Variants in RPS6KC1 observed in about 807,000 individuals in gnomAD.
The protein encoded by RPS6KC1 is inactive ribosomal protein S6 kinase delta-1.
RPS6KC1 carries 54 observed loss-of-function variants against 103.8 expected under a neutral mutation model. The observed-to-expected ratio is 0.52, with a 90% CI of 0.42 to 0.65. The LOEUF is 0.65. Ranked by LOEUF, RPS6KC1 falls within the 30% of genes least tolerant of loss-of-function variation. The probability of loss-of-function intolerance (pLI) is 0.00; values close to 1 mark genes in which losing one functional copy is unlikely to be tolerated. For missense variants in RPS6KC1, 1,151 were observed against 1,253.8 expected (o/e 0.92, Z 1.24); for synonymous variants, 439 against 438.7 (o/e 1.00, Z -0.01).
At position 213,273,942 on chromosome 1, in the gene RPS6KC1, T is replaced by A. The variant is rs1175327426; in HGVS notation, c.*1308T>A. ...TCTAATCTTCTTTGCATTTTTGAGA[T>A]CTGTGTGAGAGCCCAACCCCACTCC... is the stretch of plus-strand genomic sequence containing the variant. On this transcript the variant is annotated 3_prime_UTR_variant, in exon 15 of 15. Coordinates refer to ENST00000366960, the MANE Select transcript of RPS6KC1 (RefSeq NM_012424.6). 6.6e-6 allele frequency: 1 copy of A among 152,320 alleles called. No individual in the cohort carries two copies. The highest frequency in any genetic ancestry group is 1.5e-5 in the Non-Finnish European group (1 of 68,024). 9.4% of individuals were successfully genotyped at this position (152,320 alleles called of 1,614,324 possible). A position where few individuals can be genotyped will look rare whatever the true frequency, so the allele number is the denominator to read the frequency against.
chr1:213,081,798 A>C (rs1433737751), intron 3 of RPS6KC1, among the ~76,000 whole-genome samples: 2 of 152,078 alleles, frequency 1.3e-5, no homozygotes, highest in African/African-American at 4.8e-5. Context: ...GTAAGCATGA[A>C]GCCTGCCACA....
chr1:213,205,211 T>C (rs2093302744), intron 8 of RPS6KC1: 1 of 982,472 alleles, frequency 1.0e-6, no homozygotes, highest in Non-Finnish European at 1.2e-6. Context: ...TACTTTCTAC[T>C]TTTTAATCTA....
intron 12 of RPS6KC1, among the ~76,000 whole-genome samples, chr1:213,243,656 A>T (rs956850882): frequency 9.2e-5 from 14 of 152,182 alleles, no homozygotes; most frequent in Non-Finnish European, 2.1e-4. Context: ...ATGGGGCTGT[A>T]TTATGAATCC....
chr1:213,228,015 C>G (rs2093999378), intron 8 of RPS6KC1, among the ~76,000 whole-genome samples: 1 of 152,090 alleles, frequency 6.6e-6, no homozygotes, highest in African/African-American at 2.4e-5. Context: ...TCTTTGGGGC[C>G]CATTATCCTG....
the RPS6KC1 span, among the ~76,000 whole-genome samples, chr1:213,532,404 G>GA: frequency 5.1e-3 from 775 of 152,012 alleles, 2 homozygotes; most frequent in Non-Finnish European, 8.9e-3. Flanking sequence ...TTTTTCTGTG[G>GA]AAAAAAAAGT....
At chr1:213,279,526 C>T (rs1274510429), downstream of RPS6KC1, among the ~76,000 whole-genome samples, 1 of 152,218 alleles carries the variant, frequency 6.6e-6, no homozygotes, top group East Asian at 1.9e-4. Context: ...TCCTAACTCA[C>T]TCTTTGATCA....
the RPS6KC1 span, among the ~76,000 whole-genome samples, chr1:213,638,116 GC>G: frequency 6.6e-6 from 1 of 152,010 alleles, no homozygotes; most frequent in Admixed American, 6.6e-5. Context: ...ACTGTTCCTG[GC>G]CTTATTGTGG....
chr1:213,689,840 C>T, the RPS6KC1 span, among the ~76,000 whole-genome samples: 1 of 152,192 alleles, frequency 6.6e-6, no homozygotes, highest in Non-Finnish European at 1.5e-5. Flanking sequence ...ATCTGGAGAA[C>T]CCCTTCTGAA....
intron 10 of RPS6KC1, among the ~76,000 whole-genome samples, chr1:213,236,122 T>G (rs1269456067): frequency 6.6e-6 from 1 of 152,078 alleles, no homozygotes; most frequent in African/African-American, 2.4e-5. Flanking sequence ...TGCACACTCC[T>G]TATGGGAATC....
chr1:213,224,763 T>C (rs1485367275), intron 8 of RPS6KC1, among the ~76,000 whole-genome samples: 2 of 152,320 alleles, frequency 1.3e-5, no homozygotes, highest in Non-Finnish European at 2.9e-5. Flanking sequence ...TTTTGTCCTT[T>C]ATGCTGACAG....
chr1:213,413,224 G>A, the RPS6KC1 span, among the ~76,000 whole-genome samples: 2 of 152,124 alleles, frequency 1.3e-5, no homozygotes, highest in Non-Finnish European at 2.9e-5. Flanking sequence ...GGGTAATTGA[G>A]GTATCCATCA....
At chr1:213,270,172 T>C (rs2095013446) in intron 14 of RPS6KC1, among the ~76,000 whole-genome samples, 1 of 152,178 alleles carries the variant, frequency 6.6e-6, no homozygotes, top group African/African-American at 2.4e-5. Context: ...AAAACCACGA[T>C]AGTTTTAAGA....
At chr1:213,193,509 G>A (rs1422015287) in intron 8 of RPS6KC1, among the ~76,000 whole-genome samples, 5 of 152,122 alleles carry the variant, frequency 3.3e-5, no homozygotes, top group Admixed American at 2.6e-4. Context: ...TGATCCACCC[G>A]CCTTGGCCAC....
chr1:213,417,642 G>T, the RPS6KC1 span, among the ~76,000 whole-genome samples: 1 of 152,068 alleles, frequency 6.6e-6, no homozygotes, highest in Admixed American at 6.5e-5. Flanking sequence ...GGTCGGGGAT[G>T]GGGGAGACTA....
chr1:213,824,830 G>C, the RPS6KC1 span, among the ~76,000 whole-genome samples: 1 of 152,202 alleles, frequency 6.6e-6, no homozygotes, highest in Non-Finnish European at 1.5e-5. Flanking sequence ...AAATTACCCA[G>C]TGTTGGGTAT....
the RPS6KC1 span, among the ~76,000 whole-genome samples, chr1:213,569,265 T>C: frequency 6.6e-6 from 1 of 152,214 alleles, no homozygotes; most frequent in Non-Finnish European, 1.5e-5. Context: ...CCCTTAGGTC[T>C]GTCATGTTTC....
At chr1:213,068,653 A>G (rs1004090922) in intron 1 of RPS6KC1, among the ~76,000 whole-genome samples, 1 of 151,972 alleles carries the variant, frequency 6.6e-6, no homozygotes, top group Non-Finnish European at 1.5e-5. Flanking sequence ...TACCTGTTAT[A>G]GTCTCTTATA....
chr1:213,517,650 T>A, the RPS6KC1 span, among the ~76,000 whole-genome samples: 1 of 152,208 alleles, frequency 6.6e-6, no homozygotes, highest in Non-Finnish European at 1.5e-5. Flanking sequence ...TACTTCCAAC[T>A]ATGTGGTCAA....
At chr1:213,322,170 G>A in the RPS6KC1 span, among the ~76,000 whole-genome samples, 1 of 152,176 alleles carries the variant, frequency 6.6e-6, no homozygotes. Context: ...GCCAGGTGTG[G>A]TGGCACACGC....
Sources: allele counts gnomAD v4.1 joint callset (sites outside exome capture counted in the v4.1 genomes callset), GRCh38; gene constraint gnomAD v4.1.1; transcripts MANE v1.5; gene names NCBI Gene and HGNC (gene_info 2026-07-23, HGNC 2026-07-21).